THSD1: variants seen among roughly 807,000 people sequenced by gnomAD.
THSD1 encodes the protein thrombospondin type-1 domain-containing protein 1.
In THSD1, 34 loss-of-function variants were observed where a neutral mutation model predicts 46.3. The observed-to-expected ratio is 0.74, with a 90% confidence interval of 0.56 to 0.98. The LOEUF is 0.98. THSD1 is among the 50% of genes least tolerant of loss of function. The pLI is 0.00. For missense variants in THSD1, 1,023 were observed against 1,058.3 expected, an observed-to-expected ratio of 0.97 and a Z score of 0.46; for synonymous variants, 407 against 416.5, an observed-to-expected ratio of 0.98 and a Z score of 0.28.
At chr13:52,402,473 C>T in intron 2 of THSD1, 70 bp downstream of exon 2, 1 of 1,465,658 alleles carries the variant, frequency 6.8e-7, no homozygotes, top group South Asian at 1.2e-5. Context: ...TCATCAACAT[C>T]AATGCATTTA....
At chr13:52,400,662 G>T (rs1027096025) in intron 2 of THSD1, among the ~76,000 whole-genome samples, 1 of 152,074 alleles carries the variant, frequency 6.6e-6, no homozygotes, top group African/African-American at 2.4e-5. Context: ...CCTGACTACT[G>T]TAATATACAG....
At chr13:52,402,729 TA>T in intron 1 of THSD1, 48 bp from the exon 2 acceptor site, 1 of 1,441,090 alleles carries the variant, frequency 6.9e-7, no homozygotes, top group East Asian at 2.5e-5. Context: ...ATGTGATTGA[TA>T]AAATAGTAAT....
At chr13:52,394,918 G>A (rs1957800749) in intron 3 of THSD1, among the ~76,000 whole-genome samples, 1 of 152,160 alleles carries the variant, frequency 6.6e-6, no homozygotes, top group Non-Finnish European at 1.5e-5. Flanking sequence ...CATCAAAGAG[G>A]AACGAAAAGA....
Position 52,378,282 on chromosome 13 carries a change from G to T in THSD1, c.1688C>A (p.Ala563Asp). The change falls in exon 5 of 5, where the codon GCC becomes GAC. Residue 563 changes from alanine (A) to aspartate (D), a missense_variant. This residue lies in a region of THSD1 where 578 missense variants were observed against 497.4 expected (regional missense o/e 1.16). Transcript: ENST00000258613. Reference sequence around the variant, plus strand: ...GGGAGCGCTGGGGGCCGCATCAATGGCAGTGTCTGTCAGGGGACTCTGAGA... The same window carrying T: ...GGGAGCGCTGGGGGCCGCATCAATGTCAGTGTCTGTCAGGGGACTCTGAGA... Reference protein sequence around the residue: ...HVSQSPLTDTAIDAAPSAPLD... With the variant: ...HVSQSPLTDTDIDAAPSAPLD... 6.2e-7 allele frequency: 1 copy of T among 1,614,224 alleles called. No individual in the cohort carries two copies. The highest frequency in any genetic ancestry group is 8.5e-7 in the Non-Finnish European group (1 of 1,180,044).
intron 1 of THSD1, among the ~76,000 whole-genome samples, chr13:52,404,810 C>G (rs955944609): frequency 1.3e-5 from 2 of 152,036 alleles, no homozygotes; most frequent in Admixed American, 1.3e-4. Flanking sequence ...TTTTGAAGCC[C>G]CAAATCATTA....
intron 3 of THSD1, among the ~76,000 whole-genome samples, chr13:52,390,330 G>A (rs568915132): frequency 6.6e-6 from 1 of 152,250 alleles, no homozygotes; most frequent in South Asian, 2.1e-4. Flanking sequence ...AAAACGTGTA[G>A]GGCAGATGCA....
chr13:52,387,528 CAGAG>C (rs1033224427), intron 3 of THSD1, among the ~76,000 whole-genome samples: 6 of 152,150 alleles, frequency 3.9e-5, no homozygotes, highest in Admixed American at 3.9e-4. Context: ...TTAAAACTCT[CAGAG>C]AGAGAATGTA....
In THSD1 at chr13:52,378,242, G is replaced by T; in HGVS notation, c.1728C>A (p.Ser576Arg). The T allele has an allele frequency of 2.5e-6, 4 of 1,614,188 alleles. No homozygotes were observed. Among genetic ancestry groups the T allele is most frequent in the Non-Finnish European group, 3.4e-6 (4 of 1,180,036 alleles). ...ACTTGTTTGCTGCAGCTTCTTCCGG[G>T]CTTTCCAAATCTAAGGGAGCGCTGG... The part of the protein sequence containing the change: ...AAPSAPLDLE[S>R]PEEAAANKFR... Residue 576 changes from serine to arginine, a missense_variant, in exon 5 of 5, where the codon AGC becomes AGA. Around this residue, in one of 3 missense-constraint regions of THSD1, gnomAD observed 578 missense variants for 497.4 expected, o/e 1.16. Transcript: ENST00000258613.
intron 1 of THSD1, 45 bp from the exon 2 acceptor site, chr13:52,402,726 T>C: frequency 6.9e-7 from 1 of 1,459,380 alleles, no homozygotes; most frequent in South Asian, 1.5e-5. Flanking sequence ...TCAATGTGAT[T>C]GATAAAATAG....
intron 4 of THSD1, among the ~76,000 whole-genome samples, chr13:52,384,968 T>C (rs1957720050): frequency 6.6e-6 from 1 of 151,782 alleles, no homozygotes; most frequent in Non-Finnish European, 1.5e-5. Context: ...AATAATGTCC[T>C]AAAAATGCTG....
In THSD1 at chr13:52,397,789, A is replaced by G. The variant is rs200340193; in HGVS notation, c.464T>C (p.Leu155Pro). 2.1e-4 allele frequency: 340 copies of G among 1,614,258 alleles called. 1 individual carries two copies. The highest frequency in any genetic ancestry group is 2.7e-4 in the Non-Finnish European group (318 of 1,180,048). Residue 155 changes from leucine to proline, a missense_variant, in exon 3 of 5, where the codon CTG (leucine) becomes CCG (proline). Leu to Pro is a moderately conservative substitution (Grantham distance 98). Coordinates refer to ENST00000258613, the MANE Select transcript of THSD1 (RefSeq NM_018676.4). ...GGGCTTGTCCACAGGAAACGGGCAC[A>G]GTGGTTGACTGGTAAATAGGCCCAC... ...FQVGLFTSQP[L>P]CPFPVDKPNI...
chr13:52,380,518 T>C (rs1316161493), intron 4 of THSD1, among the ~76,000 whole-genome samples: 3 of 151,206 alleles, frequency 2.0e-5, no homozygotes, highest in South Asian at 2.1e-4. Flanking sequence ...TTCCTTTTTT[T>C]TTTTTTTCTT....
At chr13:52,402,730 A>T (rs1957874658) in intron 1 of THSD1, 49 bp from the exon 2 acceptor site, 2 of 1,442,010 alleles carry the variant, frequency 1.4e-6, no homozygotes, top group East Asian at 5.0e-5. Context: ...TGTGATTGAT[A>T]AAATAGTAAT....
At position 52,397,643 on chromosome 13, in the gene THSD1, A is replaced by C; in HGVS notation, c.610T>G (p.Phe204Val). The C allele has an allele frequency of 6.2e-7, 1 of 1,614,160 alleles. No homozygotes were observed. The highest frequency in any genetic ancestry group is 1.1e-5 in the South Asian group (1 of 91,088). Residue 204 changes from phenylalanine (F) to valine (V), a missense_variant, in exon 3 of 5, where the codon TTT (phenylalanine) becomes GTT (valine). Phe to Val is a conservative substitution (Grantham distance 50, BLOSUM62 -1). Transcript: ENST00000258613. ...TELAQGQWVE[F>V]GCAPLGPEAY... Reference sequence around the variant, plus strand: ...TCTGGCCCCAAGGGTGCACAGCCAAACTCAACCCACTGACCTTGAGCAAGT... The same window carrying C: ...TCTGGCCCCAAGGGTGCACAGCCAACCTCAACCCACTGACCTTGAGCAAGT...
intron 2 of THSD1, 104 bp from the exon 3 acceptor site, chr13:52,398,298 T>A: frequency 6.7e-7 from 1 of 1,491,436 alleles, no homozygotes; most frequent in Non-Finnish European, 8.9e-7. Flanking sequence ...TGAGACAGGG[T>A]CTCATGCTGT....
chr13:52,377,618 G>A lies in THSD1; in HGVS notation c.2352C>T (p.Tyr784=), dbSNP rs764225224. ...AAGGGCTCAGAGAACTGACCCTCTG[G>A]TAGTTATCTTTGGGGGATATGGGAG... The part of the protein sequence containing the change: ...QSSPISPKDN[Y]QRVSSLSPSQ... Residue 784 remains tyrosine (Y), a synonymous_variant, in exon 5 of 5, where the codon TAC becomes TAT. Transcript: ENST00000258613. 10 of 1,608,900 alleles carry A rather than the reference G, an allele frequency of 6.2e-6. No homozygotes were observed. In the East Asian group the frequency reaches 2.0e-4, roughly 32 times the overall value.
intron 4 of THSD1, among the ~76,000 whole-genome samples, chr13:52,382,116 CT>C (rs1327706139): frequency 2.0e-5 from 3 of 152,204 alleles, no homozygotes; most frequent in Non-Finnish European, 4.4e-5. Context: ...CAGTCCATTC[CT>C]GGCTCCACTA....
Position 52,386,051 on chromosome 13 carries a change from A to C in THSD1, c.1157T>G (p.Leu386Arg). Residue 386 changes from leucine (L) to arginine (R), a missense_variant, in exon 4 of 5, where the codon CTG (leucine) becomes CGG (arginine). Physicochemically the swap from Leu to Arg is moderately radical, Grantham distance 102. Coordinates refer to ENST00000258613, the MANE Select transcript of THSD1 (RefSeq NM_018676.4). The part of the protein sequence containing the change: ...VCPGMSLEAS[L>R]CSLEECAAFQ... ...ACCAGCACACTCCTCCAGGGAACAC[A>C]GGGAGGCCTCCAAGGACATTCCAGG... 1 of 1,614,020 alleles carries C rather than the reference A, an allele frequency of 6.2e-7. No homozygotes were observed. The highest frequency in any genetic ancestry group is 8.5e-7 in the Non-Finnish European group (1 of 1,179,958).
At chr13:52,396,507 C>T (rs1159444836) in intron 3 of THSD1, among the ~76,000 whole-genome samples, 1 of 152,222 alleles carries the variant, frequency 6.6e-6, no homozygotes, top group East Asian at 1.9e-4. Flanking sequence ...GTCTGGGCGA[C>T]AGAGCGAGAC....
Sources: allele counts gnomAD v4.1 joint callset (sites outside exome capture counted in the v4.1 genomes callset), GRCh38; gene constraint gnomAD v4.1.1; regional missense constraint gnomAD v4.1.1; transcripts MANE v1.5; gene names NCBI Gene and HGNC (gene_info 2026-07-23, HGNC 2026-07-21).